Variants in RPGRIP1L observed in about 807,000 individuals in gnomAD.
The protein encoded by RPGRIP1L is RPGRIP1 like, also known as protein fantom.
A neutral mutation model predicts 160.4 loss-of-function variants in RPGRIP1L; 131 were observed. The observed-to-expected ratio is 0.82, with a 90% CI of 0.71 to 0.94. The LOEUF (loss-of-function observed/expected upper bound fraction) is 0.94, where lower values mean the gene tolerates loss of function less well. RPGRIP1L is among the 40% of genes least tolerant of loss of function. The pLI, the probability that RPGRIP1L is intolerant of heterozygous loss-of-function variation, is 0.00. For missense variants in RPGRIP1L, 1,522 were observed against 1,535.8 expected (o/e 0.99, Z 0.15); for synonymous variants, 510 against 515.8 (o/e 0.99, Z 0.15).
intron 6 of RPGRIP1L, among the ~76,000 whole-genome samples, chr16:53,680,682 C>T (rs1969537406): frequency 6.6e-6 from 1 of 152,044 alleles, no homozygotes; most frequent in Non-Finnish European, 1.5e-5. Context: ...AATGTGATAG[C>T]TGTATTGTGG....
chr16:53,657,706 A>T, intron 12 of RPGRIP1L, 74 bp from the exon 13 acceptor site: 1 of 811,880 alleles, frequency 1.2e-6, no homozygotes, highest in East Asian at 2.7e-5. Context: ...ATATAGATGT[A>T]TCAATAAATA....
In RPGRIP1L at chr16:53,658,744, T is replaced by G. The variant is rs770397512; in HGVS notation, c.1350+28A>C. The stretch of plus-strand genomic sequence containing the variant: ...AATATTGAGATAAAAATTCTGAGTT[T>G]TATTTCTTAAATAAGGAAATAATTC... On this transcript the variant is annotated intron_variant, in intron 11 of 26. Coordinates refer to ENST00000647211, the MANE Select transcript of RPGRIP1L (RefSeq NM_015272.5). 3.4e-6 allele frequency: 5 copies of G among 1,464,352 alleles called. No homozygotes were observed. In the Admixed American group the frequency reaches 9.5e-5, roughly 28 times the overall value. The allele number at this position is 1,464,352 out of a possible 1,614,324, so 90.7% of individuals were successfully genotyped here.
intron 1 of RPGRIP1L, 41 bp downstream of exon 1, chr16:53,703,762 T>TCCA: frequency 3.1e-6 from 1 of 318,486 alleles, no homozygotes; most frequent in Non-Finnish European, 6.2e-6. Flanking sequence ...GTCAGCAACC[T>TCCA]CCACCCACCC....
At chr16:53,621,954 C>A (rs1022171064) in intron 23 of RPGRIP1L, among the ~76,000 whole-genome samples, 1 of 122,768 alleles carries the variant, frequency 8.1e-6, no homozygotes, top group East Asian at 2.8e-4. Context: ...ACCCAGGGGG[C>A]GGAGCTTGCA....
intron 10 of RPGRIP1L, among the ~76,000 whole-genome samples, chr16:53,664,550 T>C (rs141268751): frequency 6.6e-6 from 1 of 152,314 alleles, no homozygotes; most frequent in African/African-American, 2.4e-5. Flanking sequence ...ATTAGAACAG[T>C]ACCTAGCACT....
chr16:53,662,683 T>C (rs1236893517), intron 10 of RPGRIP1L, among the ~76,000 whole-genome samples: 1 of 152,114 alleles, frequency 6.6e-6, no homozygotes, highest in Non-Finnish European at 1.5e-5. Context: ...CTGTAATATT[T>C]TTCTTATAAC....
chr16:53,640,262 G>T (rs1008678931), intron 19 of RPGRIP1L, among the ~76,000 whole-genome samples: 1 of 152,178 alleles, frequency 6.6e-6, no homozygotes, highest in Non-Finnish European at 1.5e-5. Context: ...GGTATAATCA[G>T]GAGTTTGGTT....
At chr16:53,607,245 G>A (rs568018062) in intron 25 of RPGRIP1L, among the ~76,000 whole-genome samples, 13 of 152,298 alleles carry the variant, frequency 8.5e-5, no homozygotes, top group Non-Finnish European at 1.6e-4. Context: ...CAAGTGAACA[G>A]TTGCCTGGAA....
At chr16:53,676,061 T>G (rs1969134636) in intron 6 of RPGRIP1L, among the ~76,000 whole-genome samples, 1 of 152,180 alleles carries the variant, frequency 6.6e-6, no homozygotes, top group Non-Finnish European at 1.5e-5. Context: ...ACTTATCTAG[T>G]GTACACATAT....
chr16:53,613,428 GC>G (rs1964176789), intron 24 of RPGRIP1L, among the ~76,000 whole-genome samples: 2 of 151,732 alleles, frequency 1.3e-5, no homozygotes, highest in African/African-American at 2.4e-5. Flanking sequence ...TCCCACCTTA[GC>G]CCTTAGCCTC....
chr16:53,667,242 C>T (rs867653452), intron 9 of RPGRIP1L, among the ~76,000 whole-genome samples: 2 of 152,150 alleles, frequency 1.3e-5, no homozygotes, highest in Non-Finnish European at 2.9e-5. Flanking sequence ...TTGTGGTCAC[C>T]GGCATGTCCA....
intron 9 of RPGRIP1L, among the ~76,000 whole-genome samples, chr16:53,665,511 C>T (rs993450392): frequency 1.3e-5 from 2 of 151,952 alleles, no homozygotes; most frequent in East Asian, 3.9e-4. Flanking sequence ...CAGACAATAC[C>T]TCCGATATTG....
At position 53,605,626 on chromosome 16, in the gene RPGRIP1L, G is replaced by A. The variant is rs1409609009; in HGVS notation, c.3702-12C>T. On this transcript the variant is annotated splice_polypyrimidine_tract_variant and intron_variant, in intron 25 of 26. Coordinates refer to ENST00000647211, the MANE Select transcript of RPGRIP1L (RefSeq NM_015272.5). Reference sequence around the variant, plus strand: ...CGGTGAAGCGAAGGCTGGTAAGGCAGAGATCAGAGAAAGTCACCACCAAGT... The same window carrying A: ...CGGTGAAGCGAAGGCTGGTAAGGCAAAGATCAGAGAAAGTCACCACCAAGT... The A allele has an allele frequency of 6.2e-7, 1 of 1,613,596 alleles. No homozygotes were observed. Among genetic ancestry groups the A allele is most frequent in the East Asian group, 2.2e-5 (1 of 44,886 alleles).
At chr16:53,685,901 G>C (rs1048348311) in intron 6 of RPGRIP1L, among the ~76,000 whole-genome samples, 2 of 152,146 alleles carry the variant, frequency 1.3e-5, no homozygotes, top group African/African-American at 4.8e-5. Context: ...GTTTTTTAAT[G>C]TCATAGATGA....
chr16:53,653,030 C>G (rs150521330), intron 14 of RPGRIP1L, 43 bp from the exon 15 acceptor site: 2 of 1,527,316 alleles, frequency 1.3e-6, no homozygotes, highest in East Asian at 4.5e-5. Context: ...AAAATATTGA[C>G]ATGAGAAAAT....
chr16:53,600,687 T>C lies in RPGRIP1L; in HGVS notation c.*1389A>G, dbSNP rs1209867367. ...TTTTGCATTATAGCTGCTTTTTTTTTCTATTGAACTGTAATGAATTGTCTC... is the reference window on the plus strand; with the variant it reads ...TTTTGCATTATAGCTGCTTTTTTTTCCTATTGAACTGTAATGAATTGTCTC... On this transcript the variant is annotated 3_prime_UTR_variant, in exon 27 of 27. Coordinates refer to ENST00000647211, the MANE Select transcript of RPGRIP1L (RefSeq NM_015272.5). 3 of 152,670 alleles carry C rather than the reference T, an allele frequency of 2.0e-5. No individual in the cohort carries two copies. The highest frequency in any genetic ancestry group is 6.5e-5 in the Admixed American group (1 of 15,288). The allele number at this position is 152,670 out of a possible 1,614,324, so 9.5% of individuals were successfully genotyped here.
chr16:53,608,644 T>C (rs1458085159), intron 25 of RPGRIP1L, among the ~76,000 whole-genome samples: 3 of 152,194 alleles, frequency 2.0e-5, no homozygotes, highest in Non-Finnish European at 2.9e-5. Context: ...TTTAGACATG[T>C]CGGGGAAGAT....
chr16:53,671,767 G>C (rs534543153), intron 8 of RPGRIP1L, among the ~76,000 whole-genome samples, 184 bp from the exon 9 acceptor site: 1 of 152,198 alleles, frequency 6.6e-6, no homozygotes, highest in East Asian at 1.9e-4. Flanking sequence ...TTTTTCCCAA[G>C]TTGTTAAATA....
chr16:53,687,712 T>C (rs1352893148), intron 5 of RPGRIP1L, 151 bp downstream of exon 5: 2 of 614,342 alleles, frequency 3.3e-6, no homozygotes, highest in Non-Finnish European at 5.8e-6. Flanking sequence ...TCTGAGAACA[T>C]GTTATATAAC....
Sources: gnomAD v4.1 joint callset for allele counts (sites outside exome capture counted in the v4.1 genomes callset) on GRCh38, gnomAD v4.1.1 for gene constraint, MANE v1.5 for transcripts, NCBI Gene and HGNC (gene_info 2026-07-23, HGNC 2026-07-21) for gene names.